IQCB1: variants seen among roughly 807,000 people sequenced by gnomAD.
IQCB1 encodes the protein IQ calmodulin-binding motif-containing protein 1.
A neutral mutation model predicts 84.4 loss-of-function variants in IQCB1; 56 were observed. That is an observed-to-expected ratio of 0.66 (90% CI 0.54 to 0.83). The LOEUF is 0.83. IQCB1 is among the 40% of genes least tolerant of loss of function. IQCB1 has a pLI of 0.00. For missense variants in IQCB1, 629 were observed against 682.1 expected, an observed-to-expected ratio of 0.92 and a Z score of 0.87; for synonymous variants, 210 against 234.8, an observed-to-expected ratio of 0.89 and a Z score of 0.96.
At chr3:121,823,029 T>C (rs1390448058) in intron 5 of IQCB1, among the ~76,000 whole-genome samples, 1 of 152,050 alleles carries the variant, frequency 6.6e-6, no homozygotes, top group Non-Finnish European at 1.5e-5. Context: ...AAAATAACTA[T>C]AATAAATATG....
At chr3:121,812,798 T>C (rs958245379) in intron 5 of IQCB1, among the ~76,000 whole-genome samples, 2 of 152,182 alleles carry the variant, frequency 1.3e-5, no homozygotes, top group African/African-American at 4.8e-5. Flanking sequence ...GATTGCTTGG[T>C]GTACCTGAAG....
At chr3:121,801,311 T>C (rs1949397053) in intron 7 of IQCB1, among the ~76,000 whole-genome samples, 1 of 152,088 alleles carries the variant, frequency 6.6e-6, no homozygotes, top group Admixed American at 6.6e-5. Flanking sequence ...TCCTTGTTTT[T>C]CACAAATAAA....
At chr3:121,774,236 ATATCTATTAGCTGC>A (rs1361316846) in intron 13 of IQCB1, among the ~76,000 whole-genome samples, 8 of 152,332 alleles carry the variant, frequency 5.3e-5, no homozygotes, top group African/African-American at 1.9e-4. Context: ...ATACAACTTC[ATATCTATTAGCTGC>A]TATCAAAAAC....
In IQCB1 at chr3:121,772,126, G is replaced by A. The variant is rs188992642; in HGVS notation, c.1567+431C>T. Among the ~76,000 whole-genome samples, 420 of 152,186 alleles carry A rather than the reference G, an allele frequency of 2.8e-3. 1 individual carries two copies. The highest frequency in any genetic ancestry group is 5.1e-3 in the Non-Finnish European group (345 of 68,010). ...GGAGGCGGAGGTTGCAGTGAGCCAA[G>A]ATCACACCACTGCACTCCAGCCTGG... On this transcript the variant is annotated intron_variant, in intron 14 of 14. Coordinates refer to ENST00000310864, the MANE Select transcript of IQCB1 (RefSeq NM_001023570.4).
chr3:121,790,696 T>C (rs1188792174), intron 10 of IQCB1, among the ~76,000 whole-genome samples: 3 of 152,156 alleles, frequency 2.0e-5, no homozygotes, highest in African/African-American at 7.2e-5. Context: ...CATGAGAATA[T>C]ACTGATGATC....
intron 13 of IQCB1, among the ~76,000 whole-genome samples, chr3:121,779,084 T>TA (rs1254093616): frequency 6.6e-6 from 1 of 151,950 alleles, no homozygotes; most frequent in Non-Finnish European, 1.5e-5. Context: ...AGTATATATA[T>TA]AAAAATTTTT....
At chr3:121,791,860 G>A (rs528407488) in intron 10 of IQCB1, among the ~76,000 whole-genome samples, 2 of 152,280 alleles carry the variant, frequency 1.3e-5, no homozygotes, top group South Asian at 2.1e-4. Context: ...GGAGGCCAAG[G>A]TGGGTGGATC....
chr3:121,834,929 C>T, intron 1 of IQCB1, 37 bp downstream of exon 1: 1 of 344,282 alleles, frequency 2.9e-6, no homozygotes. Flanking sequence ...CGCCCTGGGG[C>T]CCTCTCCCTC....
At chr3:121,831,179 A>ATTTTTTTTTTTTT (rs71133577) in intron 2 of IQCB1, among the ~76,000 whole-genome samples, 2,434 of 129,210 alleles carry the variant, frequency 0.019, 86 homozygotes, top group African/African-American at 0.053. Flanking sequence ...GTATCCTAGT[A>ATTTTTTTTTTTTT]TTTTTTTTTG....
chr3:121,788,428 C>T lies in IQCB1; in HGVS notation c.1134G>A (p.Gln378=). The part of the protein sequence containing the change: ...LSMLEIVHPG[Q]VEKHYREMEE... ...CCATTTCCCGATAGTGTTTCTCCAC[C>T]TGACCTAAAAAGATGATAGACACTA... The change falls in exon 12 of 15, where the codon CAG becomes CAA. Residue 378 remains glutamine (Q), a synonymous_variant. Coordinates refer to ENST00000310864, the MANE Select transcript of IQCB1 (RefSeq NM_001023570.4). The T allele has an allele frequency of 1.9e-6, 3 of 1,613,254 alleles. No homozygotes were observed. The highest frequency in any genetic ancestry group is 2.5e-6 in the Non-Finnish European group (3 of 1,179,348).
At position 121,799,254 on chromosome 3, in the gene IQCB1, C is replaced by T. The variant is rs1298091991; in HGVS notation, c.708G>A (p.Leu236=). The T allele has an allele frequency of 1.2e-6, 2 of 1,611,086 alleles. No homozygotes were observed. Among genetic ancestry groups the T allele is most frequent in the East Asian group, 4.5e-5 (2 of 44,764 alleles). The change falls in exon 8 of 15, where the codon TTG becomes TTA. Residue 236 remains leucine, a synonymous_variant. Transcript: ENST00000310864. ...IRSTATKLLL[L]MAESHQEILI... Reference sequence around the variant, plus strand: ...AAATTTCCTGATGGGATTCAGCCATCAACAGTAGGAGTTTTGTAGCAGTAC... The same window carrying T: ...AAATTTCCTGATGGGATTCAGCCATTAACAGTAGGAGTTTTGTAGCAGTAC...
intron 7 of IQCB1, among the ~76,000 whole-genome samples, chr3:121,806,365 T>A (rs543249948): frequency 5.3e-5 from 8 of 152,110 alleles, no homozygotes; most frequent in Non-Finnish European, 1.2e-4. Flanking sequence ...ACTTTAAAAA[T>A]CTTCAATGGT....
At chr3:121,798,332 C>A (rs1949278400) in intron 8 of IQCB1, among the ~76,000 whole-genome samples, 1 of 151,814 alleles carries the variant, frequency 6.6e-6, no homozygotes, top group South Asian at 2.1e-4. Flanking sequence ...TTTAAAAATT[C>A]CCATACAGTA....
In IQCB1 at chr3:121,770,070, C is replaced by T. The variant is rs1947903691; in HGVS notation, c.*275G>A. On this transcript the variant is annotated 3_prime_UTR_variant, in exon 15 of 15. Transcript: ENST00000310864. ...GAAAACAGAAGAAACCAAAGAAAAA[C>T]ACACTTCATGTAAACAACAGAACAC... 3.9e-6 allele frequency: 1 copy of T among 256,218 alleles called. No individual in the cohort carries two copies. The highest frequency in any genetic ancestry group is 7.4e-6 in the Non-Finnish European group (1 of 134,936). The allele number at this position is 256,218 out of a possible 1,614,324, so 15.9% of individuals were successfully genotyped here. A position where few individuals can be genotyped will look rare whatever the true frequency, so the allele number is the denominator to read the frequency against.
In IQCB1 at chr3:121,797,182, C is replaced by T. The variant is rs1949230458; in HGVS notation, c.812G>A (p.Ser271Asn). 1.9e-6 allele frequency: 3 copies of T among 1,610,528 alleles called. No homozygotes were observed. Among genetic ancestry groups the T allele is most frequent in the Non-Finnish European group, 2.5e-6 (3 of 1,177,890 alleles). The change falls in exon 9 of 15, where the codon AGT (serine) becomes AAT (asparagine). Residue 271 changes from serine to asparagine, a missense_variant. Ser to Asn is a conservative substitution (Grantham distance 46). Transcript: ENST00000310864. ...LSKQETGTEF[S>N]QELRQLVGLL... Reference sequence around the variant, plus strand: ...GCCAACAAGCTGTCTAAGTTCTTGACTGAATTCAGTCCCAGTTTCCTGTTT... The same window carrying T: ...GCCAACAAGCTGTCTAAGTTCTTGATTGAATTCAGTCCCAGTTTCCTGTTT...
intron 12 of IQCB1, among the ~76,000 whole-genome samples, chr3:121,785,563 T>C (rs1402605390): frequency 1.3e-5 from 2 of 152,208 alleles, no homozygotes; most frequent in Admixed American, 1.3e-4. Flanking sequence ...GTGAGTCATA[T>C]ATGTAATTTT....
At chr3:121,785,142 G>A (rs1399911717) in intron 12 of IQCB1, among the ~76,000 whole-genome samples, 1 of 152,176 alleles carries the variant, frequency 6.6e-6, no homozygotes, top group Admixed American at 6.5e-5. Context: ...AAGTAAGAGA[G>A]AAACAGAAGG....
In IQCB1 at chr3:121,835,011, AC is replaced by A; in HGVS notation, c.-148del. ...TTCCACTAAAGAACCTGGGGCTCCC[AC>A]GCCGCACTACAGCGCCGCGGCCTTC... On this transcript the variant is annotated 5_prime_UTR_variant, in exon 1 of 15. Coordinates refer to ENST00000310864, the MANE Select transcript of IQCB1 (RefSeq NM_001023570.4). 2 of 79,938 alleles carry A rather than the reference AC, an allele frequency of 2.5e-5. No individual in the cohort carries two copies. Among genetic ancestry groups the A allele is most frequent in the Non-Finnish European group, 2.4e-5 (1 of 42,056 alleles). The allele number at this position is 79,938 out of a possible 1,614,324, so 5.0% of individuals were successfully genotyped here.
At chr3:121,802,747 A>C (rs1383461213) in intron 7 of IQCB1, among the ~76,000 whole-genome samples, 1 of 152,148 alleles carries the variant, frequency 6.6e-6, no homozygotes, top group African/African-American at 2.4e-5. Flanking sequence ...GGGAAAGCCG[A>C]GGTCAATGAT....
Sources: allele counts gnomAD v4.1 joint callset (sites outside exome capture counted in the v4.1 genomes callset), GRCh38; gene constraint gnomAD v4.1.1; transcripts MANE v1.5; gene names NCBI Gene and HGNC (gene_info 2026-07-23, HGNC 2026-07-21).